The following AGTPBP1 variants were observed in gnomAD, a reference collection of about 807,000 sequenced individuals.
AGTPBP1 encodes cytosolic carboxypeptidase 1.
AGTPBP1 carries 70 observed loss-of-function variants against 143.9 expected under a neutral mutation model. The observed-to-expected ratio is 0.49, with a 90% confidence interval of 0.40 to 0.59. The LOEUF (loss-of-function observed/expected upper bound fraction) is 0.59. Ranked by LOEUF, AGTPBP1 falls within the 20% of genes least tolerant of loss-of-function variation. The probability of loss-of-function intolerance (pLI) is 0.00; values close to 1 mark genes in which losing one functional copy is unlikely to be tolerated. For synonymous variants in AGTPBP1, 463 were observed against 500.2 expected, an observed-to-expected ratio of 0.93 and a Z score of 0.99; for missense variants, 1,229 against 1,464.5, an observed-to-expected ratio of 0.84 and a Z score of 2.62.
At chr9:85,623,427 AG>A (rs1318301843) in intron 14 of AGTPBP1, among the ~76,000 whole-genome samples, 2 of 152,060 alleles carry the variant, frequency 1.3e-5, no homozygotes, top group Non-Finnish European at 2.9e-5. Flanking sequence ...AAAATACTTG[AG>A]GGGAATCTTT....
chr9:85,729,115 C>T (rs765892675), intron 1 of AGTPBP1, among the ~76,000 whole-genome samples: 22 of 152,104 alleles, frequency 1.4e-4, no homozygotes, highest in African/African-American at 4.8e-4. Context: ...TATGGCCAAT[C>T]GATTTTTGAC....
the AGTPBP1 span, among the ~76,000 whole-genome samples, chr9:85,790,413 T>C: frequency 5.9e-5 from 9 of 152,324 alleles, no homozygotes; most frequent in South Asian, 1.0e-3. Context: ...GGTTGACTGC[T>C]GCGATTCCTT....
At chr9:85,669,255 T>C (rs1834334606) in intron 8 of AGTPBP1, among the ~76,000 whole-genome samples, 1 of 151,916 alleles carries the variant, frequency 6.6e-6, no homozygotes, top group South Asian at 2.1e-4. Context: ...TCTAAGTTAC[T>C]ATAAACATTA....
At chr9:85,608,807 C>T (rs1168392811) in intron 17 of AGTPBP1, among the ~76,000 whole-genome samples, 1 of 151,654 alleles carries the variant, frequency 6.6e-6, no homozygotes, top group East Asian at 1.9e-4. Flanking sequence ...TGTACTAAAA[C>T]TAGAAATTAC....
At chr9:85,591,604 A>T (rs1328227641) in intron 19 of AGTPBP1, among the ~76,000 whole-genome samples, 1 of 152,192 alleles carries the variant, frequency 6.6e-6, no homozygotes, top group Non-Finnish European at 1.5e-5. Flanking sequence ...TTTTCCTAGG[A>T]TAAATTACCC....
chr9:85,678,840 G>A (rs373059322), intron 4 of AGTPBP1, among the ~76,000 whole-genome samples: 2 of 152,214 alleles, frequency 1.3e-5, no homozygotes, highest in South Asian at 2.1e-4. Flanking sequence ...GTGCATACAG[G>A]TTTATTTCTC....
chr9:85,574,119 T>C (rs913017289), intron 25 of AGTPBP1, among the ~76,000 whole-genome samples: 1 of 152,188 alleles, frequency 6.6e-6, no homozygotes, highest in African/African-American at 2.4e-5. Flanking sequence ...CATTTTGTTC[T>C]GTACTAAGAA....
At chr9:85,620,286 T>G (rs992534321) in intron 15 of AGTPBP1, among the ~76,000 whole-genome samples, 2 of 151,952 alleles carry the variant, frequency 1.3e-5, no homozygotes, top group Admixed American at 1.3e-4. Flanking sequence ...TGGTGGCATG[T>G]GTCTGTAGTC....
chr9:85,636,965 T>C (rs1832097949), intron 13 of AGTPBP1, among the ~76,000 whole-genome samples: 1 of 151,658 alleles, frequency 6.6e-6, no homozygotes, highest in African/African-American at 2.4e-5. Flanking sequence ...AAACATACAC[T>C]TACCATACAT....
chr9:85,786,594 G>T, the AGTPBP1 span: 1 of 1,606,384 alleles, frequency 6.2e-7, no homozygotes, highest in South Asian at 1.1e-5. Context: ...TTGAATAATA[G>T]AACTTTTAGT....
intron 22 of AGTPBP1, 51 bp downstream of exon 22, chr9:85,586,780 A>G: frequency 6.3e-7 from 1 of 1,577,806 alleles, no homozygotes; most frequent in Admixed American, 1.7e-5. Context: ...ATAATTAAAA[A>G]TGATATTTTA....
At chr9:85,608,185 T>C (rs1830100303) in intron 17 of AGTPBP1, among the ~76,000 whole-genome samples, 1 of 152,056 alleles carries the variant, frequency 6.6e-6, no homozygotes, top group African/African-American at 2.4e-5. Context: ...ATCTTTAAAG[T>C]AGATTTTAGA....
intron 25 of AGTPBP1, among the ~76,000 whole-genome samples, chr9:85,558,912 C>A (rs1035419730): frequency 2.0e-5 from 3 of 152,222 alleles, no homozygotes; most frequent in Admixed American, 2.0e-4. Context: ...AGCCACTGCA[C>A]CTGGCCATCC....
intron 2 of AGTPBP1, among the ~76,000 whole-genome samples, chr9:85,703,584 G>T (rs1253018301): frequency 6.6e-6 from 1 of 152,240 alleles, no homozygotes; most frequent in African/African-American, 2.4e-5. Context: ...CTTCTGCGTG[G>T]TTAGAATCTC....
chr9:85,784,410 G>A, the AGTPBP1 span, among the ~76,000 whole-genome samples: 1 of 152,084 alleles, frequency 6.6e-6, no homozygotes, highest in Non-Finnish European at 1.5e-5. Flanking sequence ...CACCTGGGGA[G>A]CAGGATTTTT....
At chr9:85,603,338 G>T (rs1829788157) in intron 17 of AGTPBP1, among the ~76,000 whole-genome samples, 1 of 152,158 alleles carries the variant, frequency 6.6e-6, no homozygotes, top group South Asian at 2.1e-4. Flanking sequence ...AGTAAAACAG[G>T]GTACCAGGCA....
chr9:85,729,211 G>A (rs751025360), intron 1 of AGTPBP1, among the ~76,000 whole-genome samples: 1 of 152,152 alleles, frequency 6.6e-6, no homozygotes, highest in Non-Finnish European at 1.5e-5. Context: ...GCCAAAGAAT[G>A]AAGCAGCATT....
At chr9:85,559,729 C>T (rs1475745706) in intron 25 of AGTPBP1, among the ~76,000 whole-genome samples, 1 of 152,200 alleles carries the variant, frequency 6.6e-6, no homozygotes, top group Non-Finnish European at 1.5e-5. Flanking sequence ...CTAAGTCACA[C>T]ACCCACCAGT....
the AGTPBP1 span, among the ~76,000 whole-genome samples, chr9:85,794,340 A>G: frequency 2.9e-4 from 44 of 152,124 alleles, no homozygotes; most frequent in Non-Finnish European, 5.9e-5. Flanking sequence ...GTTTTTGTAC[A>G]TGGTATGAGT....
Sources: gnomAD v4.1 joint callset for allele counts (sites outside exome capture counted in the v4.1 genomes callset) on GRCh38, gnomAD v4.1.1 for gene constraint, MANE v1.5 for transcripts, NCBI Gene and HGNC (gene_info 2026-07-23, HGNC 2026-07-21) for gene names.